Variants in TMEM62 observed in about 807,000 individuals in gnomAD.
TMEM62 encodes transmembrane protein 62.
In TMEM62, 41 loss-of-function variants were observed where a neutral mutation model predicts 70.4. The observed-to-expected ratio is 0.58, with a 90% CI of 0.45 to 0.76. The LOEUF (loss-of-function observed/expected upper bound fraction) is 0.76. Ranked by LOEUF, TMEM62 falls within the 30% of genes least tolerant of loss-of-function variation. The pLI is 0.00. For synonymous variants in TMEM62, 268 were observed against 291.0 expected (o/e 0.92, Z 0.80); for missense variants, 688 against 788.5 (o/e 0.87, Z 1.53).
At chr15:43,136,341 T>G (rs945472756) in intron 3 of TMEM62, among the ~76,000 whole-genome samples, 23 of 152,172 alleles carry the variant, frequency 1.5e-4, no homozygotes, top group Admixed American at 1.2e-3. Flanking sequence ...GTTCACTATA[T>G]ATTTGTCAAA....
At chr15:43,174,572 A>G (rs1185167165) in intron 11 of TMEM62, among the ~76,000 whole-genome samples, 1 of 152,194 alleles carries the variant, frequency 6.6e-6, no homozygotes, top group Non-Finnish European at 1.5e-5. Context: ...ATTTTAACCT[A>G]CATTGTTTCA....
chr15:43,149,220 A>G (rs774951341), intron 7 of TMEM62, 69 bp downstream of exon 7: 89 of 1,526,508 alleles, frequency 5.8e-5, no homozygotes, highest in Non-Finnish European at 7.9e-5. Context: ...TAGTTTTCTT[A>G]CTGATATCAT....
chr15:43,140,045 G>GC lies in TMEM62; in HGVS notation c.476+1426_476+1427insC, dbSNP rs1567177996. On this transcript the variant is annotated intron_variant, in intron 4 of 13. Transcript: ENST00000260403. ...AATCCCTGGCTTCAAAGGATGGGCT[G>GC]ACTATTGCTAGAGGTCCATGCAGCT... 1.6e-4 allele frequency among the ~76,000 whole-genome samples: 25 copies of GC among 152,294 alleles called. No individual in the cohort carries two copies. The East Asian group carries it at 4.6e-3, about 28-fold the overall frequency.
chr15:43,137,676 G>A (rs1254604660), intron 3 of TMEM62, among the ~76,000 whole-genome samples: 1 of 152,224 alleles, frequency 6.6e-6, no homozygotes, highest in Non-Finnish European at 1.5e-5. Flanking sequence ...TAAGACTGCA[G>A]GTGGACATCT....
chr15:43,173,888 C>T (rs76148946), intron 11 of TMEM62, among the ~76,000 whole-genome samples: 2,903 of 136,506 alleles, frequency 0.021, 48 homozygotes, highest in African/African-American at 0.051. Context: ...TAGACAGTCT[C>T]GCTGTGAACC....
intron 13 of TMEM62, among the ~76,000 whole-genome samples, chr15:43,182,465 T>G (rs534900596): frequency 6.6e-6 from 1 of 151,396 alleles, no homozygotes; most frequent in Non-Finnish European, 1.5e-5. Flanking sequence ...TTTTTTTTTT[T>G]TTTTTGAGAT....
intron 10 of TMEM62, among the ~76,000 whole-genome samples, chr15:43,162,832 A>C (rs1166165195): frequency 2.0e-5 from 3 of 152,250 alleles, no homozygotes; most frequent in African/African-American, 4.8e-5. Context: ...GTTTTTAGAT[A>C]TCTCTCTAAT....
chr15:43,181,316 G>A lies in TMEM62; in HGVS notation c.1605+17G>A. The stretch of plus-strand genomic sequence containing the variant: ...ATTCTCCAGGTAAGAAGTCAGAAAA[G>A]CAATTTAAGAACATCTTGGACTTGT... On this transcript the variant is annotated intron_variant, in intron 13 of 13. Transcript: ENST00000260403. The A allele has an allele frequency of 6.5e-7, 1 of 1,532,966 alleles. No individual in the cohort carries two copies. Among genetic ancestry groups the A allele is most frequent in the African/African-American group, 1.4e-5 (1 of 73,442 alleles). The allele number at this position is 1,532,966 out of a possible 1,614,324, so 95.0% of individuals were successfully genotyped here.
intron 4 of TMEM62, among the ~76,000 whole-genome samples, chr15:43,143,917 G>C (rs2036365374): frequency 6.6e-6 from 1 of 152,140 alleles, no homozygotes; most frequent in Non-Finnish European, 1.5e-5. Flanking sequence ...GATAGTGTGA[G>C]AGATACATGA....
intron 10 of TMEM62, among the ~76,000 whole-genome samples, chr15:43,162,538 T>TC (rs1249235436): frequency 6.6e-6 from 1 of 151,914 alleles, no homozygotes; most frequent in Non-Finnish European, 1.5e-5. Flanking sequence ...TTCAAGTGAT[T>TC]CTCTTACCTC....
At chr15:43,149,691 G>C (rs1168064988) in intron 7 of TMEM62, among the ~76,000 whole-genome samples, 1 of 152,086 alleles carries the variant, frequency 6.6e-6, no homozygotes, top group Non-Finnish European at 1.5e-5. Flanking sequence ...CAAAGTACTA[G>C]GATTACAGGC....
In TMEM62 at chr15:43,147,928, T is replaced by C. The variant is rs574062151; in HGVS notation, c.619-827T>C. On this transcript the variant is annotated intron_variant, in intron 5 of 13. Transcript: ENST00000260403. Reference sequence around the variant, plus strand: ...GTAAGCACCTTACATATAATATTAATGCATATTTACATAGGTACCAGTTAT... The same window carrying C: ...GTAAGCACCTTACATATAATATTAACGCATATTTACATAGGTACCAGTTAT... Among the ~76,000 whole-genome samples the C allele has an allele frequency of 1.0e-3, 157 of 152,348 alleles. No individual in the cohort carries two copies. In the Middle Eastern group the frequency reaches 0.017, roughly 17 times the overall value.
chr15:43,149,160 A>G lies in TMEM62; in HGVS notation c.866+9A>G. 6.2e-7 allele frequency: 1 copy of G among 1,612,226 alleles called. No homozygotes were observed. Among genetic ancestry groups the G allele is most frequent in the Non-Finnish European group, 8.5e-7 (1 of 1,179,420 alleles). The stretch of plus-strand genomic sequence containing the variant: ...TGGAAGGATAATAGGAGGTAAGGGA[A>G]CCTCCCCATAGAAGAAAACTTATAC... On this transcript the variant is annotated intron_variant, in intron 7 of 13. Transcript: ENST00000260403.
chr15:43,139,323 C>T (rs2035685623), intron 4 of TMEM62, among the ~76,000 whole-genome samples: 1 of 152,120 alleles, frequency 6.6e-6, no homozygotes. Context: ...CCATCTCTCT[C>T]CCTCTCCTCC....
intron 13 of TMEM62, among the ~76,000 whole-genome samples, chr15:43,181,529 T>G (rs2041327268): frequency 6.6e-6 from 1 of 152,192 alleles, no homozygotes; most frequent in Non-Finnish European, 1.5e-5. Flanking sequence ...CCCAAGACAG[T>G]GTTCTGCTGT....
Position 43,135,614 on chromosome 15 carries a change from A to G in TMEM62, c.395A>G (p.Glu132Gly). Residue 132 changes from glutamate (E) to glycine (G), a missense_variant, in exon 3 of 14, where the codon GAA becomes GGA. By Grantham distance (98) the Glu-to-Gly change is moderately conservative (BLOSUM62 -2). Transcript: ENST00000260403. ...ATTCTGAAGAAGACAAGAGTCATGG[A>G]AAAAACCAAGTGGCTGGATATCAAA... ...QGILKKTRVMEKTKWLDIKGN... is the reference protein window; with the variant it reads ...QGILKKTRVMGKTKWLDIKGN... 6.2e-7 allele frequency: 1 copy of G among 1,603,514 alleles called. No individual in the cohort carries two copies.
intron 10 of TMEM62, among the ~76,000 whole-genome samples, chr15:43,168,700 C>A (rs1405720245): frequency 1.3e-5 from 2 of 152,202 alleles, no homozygotes; most frequent in African/African-American, 4.8e-5. Context: ...GACACAAGTA[C>A]TCCCCTGGCC....
chr15:43,134,260 T>C lies in TMEM62; in HGVS notation c.184T>C (p.Ser62Pro). 2 of 1,614,092 alleles carry C rather than the reference T, an allele frequency of 1.2e-6. No homozygotes were observed. Among genetic ancestry groups the C allele is most frequent in the Non-Finnish European group, 1.7e-6 (2 of 1,179,926 alleles). ...DSNIFWGLQI[S>P]DIHLSRFRDP... Reference sequence around the variant, plus strand: ...GTTCAATACCTGTTTTCGGCAGATATCCGACATTCACCTGAGCAGGTTTCG... The same window carrying C: ...GTTCAATACCTGTTTTCGGCAGATACCCGACATTCACCTGAGCAGGTTTCG... The change falls in exon 2 of 14, where the codon TCC becomes CCC. Residue 62 changes from serine (S) to proline (P), a missense_variant. Ser to Pro is a moderately conservative substitution (Grantham distance 74, BLOSUM62 -1). Transcript: ENST00000260403.
intron 3 of TMEM62, 140 bp downstream of exon 3, chr15:43,135,789 A>G: frequency 1.0e-6 from 1 of 999,808 alleles, no homozygotes; most frequent in East Asian, 2.9e-5. Context: ...ATACAACTAT[A>G]TAATGTGGTT....
Sources: allele counts gnomAD v4.1 joint callset (sites outside exome capture counted in the v4.1 genomes callset), GRCh38; gene constraint gnomAD v4.1.1; transcripts MANE v1.5; gene names NCBI Gene and HGNC (gene_info 2026-07-23, HGNC 2026-07-21).